SZT2: variants seen among roughly 807,000 people sequenced by gnomAD.
SZT2 encodes the protein SZT2 subunit of KICSTOR complex.
In SZT2, 216 loss-of-function variants were observed where a neutral mutation model predicts 404.2. The ratio of observed to expected loss-of-function variants is 0.53; its 90% CI spans 0.48 to 0.60. SZT2 has a LOEUF of 0.60. SZT2 is among the 20% of genes least tolerant of loss of function. SZT2 has a pLI of 0.00. For missense variants in SZT2, 3,857 were observed against 4,459.2 expected, an observed-to-expected ratio of 0.86 and a Z score of 3.85; for synonymous variants, 1,693 against 1,749.9, an observed-to-expected ratio of 0.97 and a Z score of 0.81.
rs1465774316 is a variant in SZT2, at chr1:43,437,974, C to T, written c.6508+72C>T. 2.7e-6 allele frequency: 4 copies of T among 1,462,564 alleles called. No homozygotes were observed. The highest frequency in any genetic ancestry group is 1.7e-5 in the Admixed American group (1 of 59,238). The allele number at this position is 1,462,564 out of a possible 1,614,324, so 90.6% of individuals were successfully genotyped here. A position where few individuals can be genotyped will look rare whatever the true frequency, so the allele number is the denominator to read the frequency against. ...AATCCTCTGGGACTTCTCTTAGAAC[C>T]TTGCAAGCATTACACTAGAAGTTAT... On this transcript the variant is annotated intron_variant, in intron 46 of 71. Transcript: ENST00000634258. This position sits in a 1 kb window ranked among gnomAD's most constrained non-coding sequence, Gnocchi z 5.3.
intron 41 of SZT2, 84 bp downstream of exon 41, chr1:43,434,569 G>A: frequency 8.6e-7 from 1 of 1,164,348 alleles, no homozygotes; most frequent in Non-Finnish European, 1.2e-6. Context: ...GAGGCTATTG[G>A]TCCATTTCAG....
Position 43,422,243 on chromosome 1 carries a change from T to G in SZT2, c.1769+18T>G, listed in dbSNP as rs1257415385. 4 of 1,564,510 alleles carry G rather than the reference T, an allele frequency of 2.6e-6. No individual in the cohort carries two copies. Among genetic ancestry groups the G allele is most frequent in the Non-Finnish European group, 3.5e-6 (4 of 1,155,232 alleles). ...CATGACACGTGGGTGCCCTTAGGGC[T>G]GGGCCATAGTTGGGGTGGAGTATCG... On this transcript the variant is annotated intron_variant, in intron 12 of 71. Coordinates refer to ENST00000634258, the MANE Select transcript of SZT2 (RefSeq NM_001365999.1).
chr1:43,451,108 T>C lies in SZT2; in HGVS notation c.*628T>C, dbSNP rs1040863745. The C allele has an allele frequency of 6.6e-6, 6 of 915,890 alleles. No homozygotes were observed. The highest frequency in any genetic ancestry group is 9.0e-6 in the Non-Finnish European group (5 of 553,852). 56.7% of individuals were successfully genotyped at this position (915,890 alleles called of 1,614,324 possible). A position where few individuals can be genotyped will look rare whatever the true frequency, so the allele number is the denominator to read the frequency against. On this transcript the variant is annotated 3_prime_UTR_variant, in exon 72 of 72. Transcript: ENST00000634258. ...GAGGGAAGCAGCAGAGAAACTGAAG[T>C]GTTAGACACTATGTGTCCCACCACC... is the stretch of plus-strand genomic sequence containing the variant.
chr1:43,418,396 A>T (rs1651945982), intron 7 of SZT2, among the ~76,000 whole-genome samples: 1 of 152,220 alleles, frequency 6.6e-6, no homozygotes, highest in South Asian at 2.1e-4. Context: ...AGATTGAGGG[A>T]TTCTTTTGGA....
Position 43,431,103 on chromosome 1 carries a change from G to A in SZT2, c.4916+13G>A. 6.2e-7 allele frequency: 1 copy of A among 1,611,288 alleles called. No individual in the cohort carries two copies. Reference sequence around the variant, plus strand: ...CTCAGCACCACCGGTGTGGCAGCAAGTTTGGTGGGGGGTTTGGGACCTTTT... The same window carrying A: ...CTCAGCACCACCGGTGTGGCAGCAAATTTGGTGGGGGGTTTGGGACCTTTT... On this transcript the variant is annotated intron_variant, in intron 33 of 71. Transcript: ENST00000634258.
chr1:43,420,714 C>T lies in SZT2; in HGVS notation c.1262-35C>T. Reference sequence around the variant, plus strand: ...TCGATCCCAGGCCTAGAGTCCTATGCCTTCTCCTAACTGGCCCTTCCGCTT... The same window carrying T: ...TCGATCCCAGGCCTAGAGTCCTATGTCTTCTCCTAACTGGCCCTTCCGCTT... On this transcript the variant is annotated intron_variant, in intron 9 of 71. Transcript: ENST00000634258. This position sits in a 1 kb window ranked among gnomAD's most constrained non-coding sequence, Gnocchi z 5.1. 1 of 1,584,254 alleles carries T rather than the reference C, an allele frequency of 6.3e-7. No homozygotes were observed. The highest frequency in any genetic ancestry group is 8.6e-7 in the Non-Finnish European group (1 of 1,167,714).
In SZT2 at chr1:43,439,927, G is replaced by A. The variant is rs1654882113; in HGVS notation, c.7089G>A (p.Gly2363=). 1 of 1,612,268 alleles carries A rather than the reference G, an allele frequency of 6.2e-7. No homozygotes were observed. The highest frequency in any genetic ancestry group is 1.1e-5 in the South Asian group (1 of 90,808). Residue 2363 remains glycine (G), a synonymous_variant, in exon 51 of 72, where the codon GGG becomes GGA. Transcript: ENST00000634258. This position sits in a 1 kb window ranked among gnomAD's most constrained non-coding sequence, Gnocchi z 4.2. Reference sequence around the variant, plus strand: ...TTCGATTGGATGTGTGGGAAAAGGGGAACATTAGTATTGTGCAGCTGGAGG... The same window carrying A: ...TTCGATTGGATGTGTGGGAAAAGGGAAACATTAGTATTGTGCAGCTGGAGG... ...PRLRLDVWEK[G]NISIVQLEEK... is the part of the protein sequence containing the mutation.
rs1655787977 is a variant in SZT2, at chr1:43,447,267, C to A, written c.9286+99C>A. ...GACCACCTCCCTGGACAAGTGGTCCCATGTTGTTAATCATCTCATGTCACA... is the reference window on the plus strand; with the variant it reads ...GACCACCTCCCTGGACAAGTGGTCCAATGTTGTTAATCATCTCATGTCACA... On this transcript the variant is annotated intron_variant, in intron 66 of 71. Coordinates refer to ENST00000634258, the MANE Select transcript of SZT2 (RefSeq NM_001365999.1). The A allele has an allele frequency of 4.5e-6, 6 of 1,337,160 alleles. No homozygotes were observed. In the Admixed American group the frequency reaches 8.4e-5, roughly 19 times the overall value. 82.8% of individuals were successfully genotyped at this position (1,337,160 alleles called of 1,614,324 possible). A position where few individuals can be genotyped will look rare whatever the true frequency, so the allele number is the denominator to read the frequency against.
In SZT2 at chr1:43,452,044, C is replaced by G; in HGVS notation, c.*1564C>G. ...AGCATGTCGGGTGCTGTGAATAGAGCTCCTTCCCAAGTTTGTCCCCCATCA... is the reference window on the plus strand; with the variant it reads ...AGCATGTCGGGTGCTGTGAATAGAGGTCCTTCCCAAGTTTGTCCCCCATCA... On this transcript the variant is annotated 3_prime_UTR_variant, in exon 72 of 72. Transcript: ENST00000634258. The G allele has an allele frequency of 6.3e-7, 1 of 1,585,454 alleles. No homozygotes were observed. Among genetic ancestry groups the G allele is most frequent in the Non-Finnish European group, 8.6e-7 (1 of 1,162,000 alleles).
chr1:43,440,650 T>A (rs1375824899), intron 52 of SZT2, 64 bp downstream of exon 52: 1 of 1,472,304 alleles, frequency 6.8e-7, no homozygotes, highest in African/African-American at 1.4e-5. Flanking sequence ...CCTCCCACAC[T>A]CCCTCCTGCT....
At chr1:43,436,857 T>C (rs1316418705) in intron 42 of SZT2, 3 of 402,142 alleles carry the variant, frequency 7.5e-6, no homozygotes, top group Non-Finnish European at 1.4e-5. Flanking sequence ...TGACATATAT[T>C]ATGACAGGGT....
At position 43,453,710 on chromosome 1, in the gene SZT2, G is replaced by A. The variant is rs1286777604; in HGVS notation, c.*3230G>A. On this transcript the variant is annotated 3_prime_UTR_variant, in exon 72 of 72. Coordinates refer to ENST00000634258, the MANE Select transcript of SZT2 (RefSeq NM_001365999.1). ...CCTCGACGGCCTCGAAGCCCGAGCT[G>A]CCCGCGGCCCGCACCCGCGCGGGGA... 9.2e-6 allele frequency: 13 copies of A among 1,406,680 alleles called. No homozygotes were observed. The highest frequency in any genetic ancestry group is 3.5e-5 in the Admixed American group (1 of 28,958). 87.1% of individuals were successfully genotyped at this position (1,406,680 alleles called of 1,614,324 possible).
intron 4 of SZT2, among the ~76,000 whole-genome samples, chr1:43,408,663 T>G (rs1032842901): frequency 6.6e-6 from 1 of 152,224 alleles, no homozygotes; most frequent in Non-Finnish European, 1.5e-5. Flanking sequence ...TCCTGTTAAC[T>G]TACTGTTTCA....
At position 43,420,884 on chromosome 1, in the gene SZT2, G is replaced by T; in HGVS notation, c.1397G>T (p.Gly466Val). 1.3e-6 allele frequency: 2 copies of T among 1,598,462 alleles called. No homozygotes were observed. Among genetic ancestry groups the T allele is most frequent in the Middle Eastern group, 1.7e-4 (1 of 6,060 alleles). The change falls in exon 10 of 72, where the codon GGC (glycine) becomes GTC (valine). Residue 466 changes from glycine (G) to valine (V), a missense_variant. This residue lies in a region of SZT2 where 536 missense variants were observed against 637.4 expected (regional missense o/e 0.84). Coordinates refer to ENST00000634258, the MANE Select transcript of SZT2 (RefSeq NM_001365999.1). This position sits in a 1 kb window ranked among gnomAD's most constrained non-coding sequence, Gnocchi z 5.1. ...CGGGTGGAAGTGACGATGGAAGGCG[G>T]CTACGACATTTTGCATGATGTGTCC... ...VTRVEVTMEG[G>V]YDILHDVSCA...
chr1:43,435,093 TC>T, intron 41 of SZT2, 106 bp from the exon 42 acceptor site: 1 of 1,316,316 alleles, frequency 7.6e-7, no homozygotes. Flanking sequence ...TGACCTCCAA[TC>T]CCCAGTGATA....
Position 43,437,483 on chromosome 1 carries a change from G to A in SZT2, c.6265G>A (p.Ala2089Thr). 6.2e-7 allele frequency: 1 copy of A among 1,614,168 alleles called. No homozygotes were observed. Among genetic ancestry groups the A allele is most frequent in the South Asian group, 1.1e-5 (1 of 91,082 alleles). ...AAACATGTTTGTTTACCAGGAGCGA[G>A]CAACAAAGGCTGTGTACTATCTTCG... ...RKNMFVYQER[A>T]TKAVYYLRLL... Residue 2089 changes from alanine to threonine, a missense_variant, in exon 44 of 72, where the codon GCA (alanine) becomes ACA (threonine). By Grantham distance (58) the Ala-to-Thr change is moderately conservative (BLOSUM62 0). This residue lies in a region of SZT2 where 261 missense variants were observed against 372.9 expected (regional missense o/e 0.70). Transcript: ENST00000634258. This position sits in a 1 kb window ranked among gnomAD's most constrained non-coding sequence, Gnocchi z 5.3.
In SZT2 at chr1:43,415,230, G is replaced by A. The variant is rs576419942; in HGVS notation, c.630+17G>A. ...CAGAGCCAGGTATGTAAGAGAGAAAGTGGGCAGAGGCAACTTAGAAAGAGG... is the reference window on the plus strand; with the variant it reads ...CAGAGCCAGGTATGTAAGAGAGAAAATGGGCAGAGGCAACTTAGAAAGAGG... On this transcript the variant is annotated intron_variant, in intron 5 of 71. Transcript: ENST00000634258. 1.8e-5 allele frequency: 28 copies of A among 1,596,802 alleles called. 1 individual carries two copies. In the East Asian group the frequency reaches 5.8e-4, roughly 33 times the overall value.
intron 41 of SZT2, 126 bp downstream of exon 41, chr1:43,434,611 C>A (rs777181023): frequency 1.3e-4 from 110 of 858,770 alleles, no homozygotes; most frequent in Non-Finnish European, 1.8e-4. Context: ...TTTGACTTCC[C>A]CAGTTAGTAG....
In SZT2 at chr1:43,425,422, T is replaced by A; in HGVS notation, c.2646-52T>A. On this transcript the variant is annotated intron_variant, in intron 18 of 71. Coordinates refer to ENST00000634258, the MANE Select transcript of SZT2 (RefSeq NM_001365999.1). This position sits in a 1 kb window ranked among gnomAD's most constrained non-coding sequence, Gnocchi z 4.3. ...GCCTGCCTCCTTCCCTCCATGAGGT[T>A]CACTCCCTGCCATGAGGCTGTGCAT... 1 of 1,607,208 alleles carries A rather than the reference T, an allele frequency of 6.2e-7. No individual in the cohort carries two copies. Among genetic ancestry groups the A allele is most frequent in the Non-Finnish European group, 8.5e-7 (1 of 1,175,682 alleles).
Sources: gnomAD v4.1 joint callset for allele counts (sites outside exome capture counted in the v4.1 genomes callset) on GRCh38, gnomAD v4.1.1 for gene constraint, gnomAD v4.1.1 regional missense constraint, Gnocchi (gnomAD v3.1) non-coding constraint, MANE v1.5 for transcripts, NCBI Gene and HGNC (gene_info 2026-07-23, HGNC 2026-07-21) for gene names.